PIK3C2G: variants seen among roughly 807,000 people sequenced by gnomAD.
The protein encoded by PIK3C2G is phosphatidylinositol 3-kinase C2 domain-containing subunit gamma.
Under a neutral mutation model 181.1 loss-of-function variants are expected in PIK3C2G, and 168 were observed. The ratio of observed to expected loss-of-function variants is 0.93; its 90% CI spans 0.82 to 1.05. The LOEUF (loss-of-function observed/expected upper bound fraction) is 1.05. Among genes scored for constraint, PIK3C2G ranks in the 50% least tolerant of loss-of-function variants. The pLI is 0.00. For synonymous variants in PIK3C2G, 573 were observed against 592.2 expected, an observed-to-expected ratio of 0.97 and a Z score of 0.47; for missense variants, 1,869 against 1,732.8, an observed-to-expected ratio of 1.08 and a Z score of -1.40.
chr12:18,525,122 G>T (rs1324379004), intron 24 of PIK3C2G, among the ~76,000 whole-genome samples: 1 of 151,786 alleles, frequency 6.6e-6, no homozygotes, highest in Non-Finnish European at 1.5e-5. Context: ...CAGACCTGAT[G>T]GCTCATGCCT....
chr12:18,596,448 AAATT>A (rs1269339587), intron 30 of PIK3C2G, among the ~76,000 whole-genome samples: 1 of 152,116 alleles, frequency 6.6e-6, no homozygotes, highest in African/African-American at 2.4e-5. Context: ...TATTCTCCCA[AAATT>A]AATATAGCCC....
chr12:18,363,393 TTTG>T (rs1325250187), intron 12 of PIK3C2G, among the ~76,000 whole-genome samples: 1 of 152,104 alleles, frequency 6.6e-6, no homozygotes, highest in African/African-American at 2.4e-5. Context: ...TCTGTAAAGA[TTTG>T]TTAAGTCAAG....
intron 8 of PIK3C2G, among the ~76,000 whole-genome samples, chr12:18,331,395 T>G (rs1042308042): frequency 2.6e-5 from 4 of 152,134 alleles, no homozygotes; most frequent in Admixed American, 6.6e-5. Flanking sequence ...ATGCATAGTT[T>G]ATTAAAGTTA....
intron 31 of PIK3C2G, among the ~76,000 whole-genome samples, chr12:18,639,109 C>T (rs538027579): frequency 3.9e-5 from 6 of 152,098 alleles, no homozygotes; most frequent in South Asian, 2.1e-4. Context: ...AATAAAGTAC[C>T]GGTCCTCATT....
intron 6 of PIK3C2G, among the ~76,000 whole-genome samples, chr12:18,318,385 T>C (rs1367172412): frequency 6.6e-6 from 1 of 152,180 alleles, no homozygotes; most frequent in Non-Finnish European, 1.5e-5. Flanking sequence ...ATCTTCATTA[T>C]CTGAATTGCC....
Position 18,282,738 on chromosome 12 carries a change from T to C in PIK3C2G, c.657T>C (p.Ser219=), listed in dbSNP as rs771723064. 6.9e-6 allele frequency: 11 copies of C among 1,604,976 alleles called. No individual in the cohort carries two copies. The highest frequency in any genetic ancestry group is 2.2e-5 in the East Asian group (1 of 44,810). ...CTCTTCAACCCGGAATGTGGGAAAG[T>C]ACATGGCAGAAGAATATAGAGGTAA... ...KGSLQPGMWE[S]TWQKNIESIG... is the part of the protein sequence containing the mutation. Residue 219 remains serine, a synonymous_variant, in exon 2 of 33, where the codon AGT becomes AGC. Transcript: ENST00000538779.
At chr12:18,527,129 A>G (rs1251504480) in intron 24 of PIK3C2G, among the ~76,000 whole-genome samples, 3 of 152,238 alleles carry the variant, frequency 2.0e-5, no homozygotes, top group East Asian at 3.9e-4. Context: ...CCAATGCCCC[A>G]TTGTGAACAA....
At chr12:18,253,307 T>A (rs1948112825) in intron 1 of PIK3C2G, among the ~76,000 whole-genome samples, 1 of 151,992 alleles carries the variant, frequency 6.6e-6, no homozygotes, top group African/African-American at 2.4e-5. Context: ...ATAGTCACGG[T>A]AGAAGTAATA....
At chr12:18,317,468 A>C (rs1950919187) in intron 6 of PIK3C2G, among the ~76,000 whole-genome samples, 1 of 152,210 alleles carries the variant, frequency 6.6e-6, no homozygotes, top group Admixed American at 6.5e-5. Context: ...TTAACAAATA[A>C]AACTTGTTAC....
At chr12:18,594,436 G>A in intron 29 of PIK3C2G, 58 bp from the exon 30 acceptor site, 2 of 960,126 alleles carry the variant, frequency 2.1e-6, no homozygotes, top group Non-Finnish European at 1.5e-6. Context: ...ATGTAATAAT[G>A]AATAGCAGTA....
At chr12:18,370,529 T>G (rs1285418750) in intron 12 of PIK3C2G, among the ~76,000 whole-genome samples, 1 of 152,170 alleles carries the variant, frequency 6.6e-6, no homozygotes, top group Non-Finnish European at 1.5e-5. Flanking sequence ...CTCTCTACAC[T>G]TTGGCTGTTA....
At chr12:18,566,035 T>G (rs550282168) in intron 28 of PIK3C2G, among the ~76,000 whole-genome samples, 8 of 152,296 alleles carry the variant, frequency 5.3e-5, no homozygotes, top group African/African-American at 1.7e-4. Flanking sequence ...GATAAAAATT[T>G]TAAAGACTTT....
intron 18 of PIK3C2G, among the ~76,000 whole-genome samples, chr12:18,436,465 T>C (rs1592255402): frequency 6.6e-6 from 1 of 152,146 alleles, no homozygotes. Context: ...CAGATTCTTT[T>C]TGCAGACATT....
At chr12:18,464,841 AC>A (rs1163147400) in intron 18 of PIK3C2G, among the ~76,000 whole-genome samples, 1 of 151,924 alleles carries the variant, frequency 6.6e-6, no homozygotes, top group African/African-American at 2.4e-5. Flanking sequence ...TATCTCTTCT[AC>A]TTTGGATGCC....
At chr12:18,696,463 C>G in the PIK3C2G span, among the ~76,000 whole-genome samples, 4 of 150,238 alleles carry the variant, frequency 2.7e-5, no homozygotes, top group African/African-American at 9.8e-5. Context: ...GTATAATTCA[C>G]TATTATTTAG....
At chr12:18,693,152 A>C in the PIK3C2G span, 2 of 1,526,732 alleles carry the variant, frequency 1.3e-6, no homozygotes, top group Non-Finnish European at 1.8e-6. Context: ...TCGTGTCTAC[A>C]TCTGTGGGCT....
intron 5 of PIK3C2G, among the ~76,000 whole-genome samples, chr12:18,311,013 A>G (rs933421000): frequency 6.6e-6 from 1 of 152,060 alleles, no homozygotes; most frequent in Admixed American, 6.6e-5. Context: ...TTCCAGAAAA[A>G]GGGAAAGGGA....
intron 2 of PIK3C2G, 133 bp from the exon 3 acceptor site, chr12:18,286,714 C>T (rs184116426): frequency 0.015 from 8,249 of 557,030 alleles, 89 homozygotes; most frequent in South Asian, 0.04. Flanking sequence ...GTAAATATTA[C>T]TTCAATTTTT....
chr12:18,302,192 G>T (rs1177883719), intron 5 of PIK3C2G, among the ~76,000 whole-genome samples: 1 of 152,210 alleles, frequency 6.6e-6, no homozygotes, highest in Non-Finnish European at 1.5e-5. Flanking sequence ...GGGCTCCCAG[G>T]TGACTTCCTT....
Sources: allele counts gnomAD v4.1 joint callset (sites outside exome capture counted in the v4.1 genomes callset), GRCh38; gene constraint gnomAD v4.1.1; transcripts MANE v1.5; gene names NCBI Gene and HGNC (gene_info 2026-07-23, HGNC 2026-07-21).